The following METTL15 variants were observed in gnomAD, a reference collection of about 807,000 sequenced individuals.
METTL15 encodes 12S rRNA N(4)-cytidine methyltransferase METTL15.
A neutral mutation model predicts 38.3 loss-of-function variants in METTL15; 34 were observed. The observed-to-expected ratio is 0.89, with a 90% CI of 0.68 to 1.18. The LOEUF (loss-of-function observed/expected upper bound fraction) is 1.18, where lower values mean the gene tolerates loss of function less well. Ranked by LOEUF, METTL15 falls within the 50% of genes most tolerant of loss-of-function variation. The pLI is 0.00. For missense variants in METTL15, 438 were observed against 498.4 expected (o/e 0.88, Z 1.15); for synonymous variants, 162 against 170.9 (o/e 0.95, Z 0.41).
intron 4 of METTL15, among the ~76,000 whole-genome samples, chr11:28,214,173 G>C (rs771085460): frequency 1.3e-5 from 2 of 151,926 alleles, no homozygotes; most frequent in African/African-American, 2.4e-5. Context: ...CTCTCAAGTA[G>C]CTGGGACTAC....
At chr11:28,239,052 A>C (rs755141624) in intron 4 of METTL15, among the ~76,000 whole-genome samples, 1 of 151,724 alleles carries the variant, frequency 6.6e-6, no homozygotes, top group African/African-American at 2.4e-5. Context: ...GGCTCATTCT[A>C]CAGGCCTCTT....
chr11:28,165,394 A>C (rs1483329503), intron 3 of METTL15, among the ~76,000 whole-genome samples: 2 of 152,136 alleles, frequency 1.3e-5, no homozygotes, highest in African/African-American at 4.8e-5. Context: ...ATAAGGTGAT[A>C]TCTCACTGTA....
downstream of METTL15, among the ~76,000 whole-genome samples, chr11:28,335,650 C>G (rs977533313): frequency 2.0e-5 from 3 of 152,124 alleles, no homozygotes; most frequent in African/African-American, 7.2e-5. Flanking sequence ...ATGCTGTCCT[C>G]ATAGTAACAA....
intron 4 of METTL15, among the ~76,000 whole-genome samples, chr11:28,360,592 C>G (rs1210125916): frequency 6.6e-6 from 1 of 152,082 alleles, no homozygotes; most frequent in Non-Finnish European, 1.5e-5. Flanking sequence ...GCCTGGGTTC[C>G]AGAGGCTCTC....
intron 3 of METTL15, among the ~76,000 whole-genome samples, chr11:28,169,182 T>G (rs563043755): frequency 1.3e-5 from 2 of 152,292 alleles, no homozygotes; most frequent in South Asian, 4.1e-4. Flanking sequence ...TCATCATTAC[T>G]ATTGTGAGAG....
chr11:28,473,913 A>G (rs914383724), intron 6 of METTL15, among the ~76,000 whole-genome samples: 1 of 151,742 alleles, frequency 6.6e-6, no homozygotes, highest in African/African-American at 2.4e-5. Flanking sequence ...TGAAGTTTTT[A>G]TGCCACACCC....
intron 6 of METTL15, among the ~76,000 whole-genome samples, chr11:28,474,082 A>G (rs1362601738): frequency 6.6e-6 from 1 of 152,006 alleles, no homozygotes; most frequent in Non-Finnish European, 1.5e-5. Flanking sequence ...CATCTTGTAC[A>G]TGGAGAGATG....
chr11:28,422,426 C>T (rs1850828338), intron 5 of METTL15, among the ~76,000 whole-genome samples: 2 of 151,836 alleles, frequency 1.3e-5, no homozygotes, highest in Admixed American at 6.6e-5. Context: ...TATGTTGCTT[C>T]ACTTCAAATT....
chr11:28,469,398 G>T (rs533317771), intron 6 of METTL15, among the ~76,000 whole-genome samples: 1 of 152,246 alleles, frequency 6.6e-6, no homozygotes, highest in Admixed American at 6.5e-5. Context: ...GGCACACATA[G>T]TAGTCTTTTT....
At chr11:28,169,030 A>G (rs1850758714) in intron 3 of METTL15, among the ~76,000 whole-genome samples, 1 of 152,128 alleles carries the variant, frequency 6.6e-6, no homozygotes, top group Non-Finnish European at 1.5e-5. Flanking sequence ...TAGAAGAGAG[A>G]CATGCCCATA....
chr11:28,402,612 C>G (rs1850639708), intron 5 of METTL15, among the ~76,000 whole-genome samples: 1 of 151,824 alleles, frequency 6.6e-6, no homozygotes. Context: ...GAGGCAGAGC[C>G]ACATTTAAAT....
At chr11:28,521,014 T>A (rs1262761119) in intron 6 of METTL15, among the ~76,000 whole-genome samples, 1 of 152,026 alleles carries the variant, frequency 6.6e-6, no homozygotes, top group Non-Finnish European at 1.5e-5. Flanking sequence ...CTATCAAACT[T>A]CTTTTTTTTT....
chr11:28,376,069 G>C (rs1022185192), intron 5 of METTL15, among the ~76,000 whole-genome samples: 4 of 152,028 alleles, frequency 2.6e-5, no homozygotes, highest in African/African-American at 7.2e-5. Flanking sequence ...CATTTGCTGA[G>C]GAGTGCTTTA....
chr11:28,482,974 G>C (rs964000128), intron 6 of METTL15, among the ~76,000 whole-genome samples: 1 of 151,942 alleles, frequency 6.6e-6, no homozygotes, highest in Non-Finnish European at 1.5e-5. Context: ...ACACAATCCG[G>C]ATCAGCCTCT....
At chr11:28,336,203 A>G (rs529293770), downstream of METTL15, among the ~76,000 whole-genome samples, 1 of 152,188 alleles carries the variant, frequency 6.6e-6, no homozygotes, top group Admixed American at 6.5e-5. Context: ...TTGACAGGGT[A>G]TATAAAATAC....
chr11:28,442,986 T>C (rs542890055), intron 6 of METTL15, among the ~76,000 whole-genome samples: 5 of 152,330 alleles, frequency 3.3e-5, no homozygotes, highest in Admixed American at 6.5e-5. Context: ...TACAGTGAAA[T>C]GCACTGATCT....
intron 3 of METTL15, among the ~76,000 whole-genome samples, chr11:28,141,379 T>C (rs1379060782): frequency 1.3e-5 from 2 of 152,130 alleles, no homozygotes; most frequent in Admixed American, 6.6e-5. Context: ...TCTTAGTTTT[T>C]GATAATAGTG....
intron 4 of METTL15, among the ~76,000 whole-genome samples, chr11:28,220,589 T>G (rs1275899759): frequency 6.6e-6 from 1 of 152,214 alleles, no homozygotes; most frequent in Non-Finnish European, 1.5e-5. Flanking sequence ...TATGTGTGAA[T>G]TTGATCCCGT....
intron 6 of METTL15, among the ~76,000 whole-genome samples, chr11:28,464,122 T>G (rs1416020419): frequency 2.6e-5 from 4 of 152,172 alleles, no homozygotes; most frequent in African/African-American, 9.7e-5. Flanking sequence ...TATAAAGTGT[T>G]TATTTCACTT....
Sources: allele counts gnomAD v4.1 joint callset (sites outside exome capture counted in the v4.1 genomes callset), GRCh38; gene constraint gnomAD v4.1.1; transcripts MANE v1.5; gene names NCBI Gene and HGNC (gene_info 2026-07-23, HGNC 2026-07-21).